Variants in RELN observed in about 807,000 individuals in gnomAD.
RELN encodes reelin.
In RELN, 108 loss-of-function variants were observed where a neutral mutation model predicts 427.6. The observed-to-expected ratio is 0.25, with a 90% confidence interval of 0.22 to 0.30. The LOEUF (loss-of-function observed/expected upper bound fraction) is 0.30. RELN is among the 10% of genes least tolerant of loss of function. The pLI, the probability that RELN is intolerant of heterozygous loss-of-function variation, is 1.00. For synonymous variants in RELN, 1,524 were observed against 1,513.4 expected, an observed-to-expected ratio of 1.01 and a Z score of -0.16; for missense variants, 3,715 against 4,302.8, an observed-to-expected ratio of 0.86 and a Z score of 3.82.
intron 3 of RELN, among the ~76,000 whole-genome samples, chr7:103,788,985 AAC>A (rs1792090682): frequency 6.6e-6 from 1 of 152,274 alleles, no homozygotes; most frequent in East Asian, 1.9e-4. Flanking sequence ...GTACCAAAAC[AAC>A]AGATACATAG....
intron 1 of RELN, among the ~76,000 whole-genome samples, chr7:103,926,892 C>CG (rs61081987): frequency 0.53 from 80,942 of 151,778 alleles, 22,291 homozygotes; most frequent in East Asian, 0.74. Flanking sequence ...GTGATCCACC[C>CG]CCTTGGCCTC....
At chr7:103,567,264 G>T (rs1016358703) in intron 31 of RELN, among the ~76,000 whole-genome samples, 3 of 152,216 alleles carry the variant, frequency 2.0e-5, no homozygotes, top group African/African-American at 7.2e-5. Flanking sequence ...GGTCAGTGAA[G>T]CCTAAGTGAA....
chr7:103,707,531 G>A (rs552251826), intron 8 of RELN, among the ~76,000 whole-genome samples: 1 of 147,892 alleles, frequency 6.8e-6, no homozygotes, highest in South Asian at 2.1e-4. Flanking sequence ...ATGGAGTCTC[G>A]CTCTGTCGCC....
chr7:103,716,660 G>A (rs1036752502), intron 8 of RELN, among the ~76,000 whole-genome samples: 2 of 152,142 alleles, frequency 1.3e-5, no homozygotes, highest in Non-Finnish European at 2.9e-5. Flanking sequence ...TAGTTACATT[G>A]TTTTTAGTTC....
At chr7:103,707,411 AC>A (rs1439594198) in intron 8 of RELN, among the ~76,000 whole-genome samples, 1 of 152,216 alleles carries the variant, frequency 6.6e-6, no homozygotes, top group Admixed American at 6.5e-5. Flanking sequence ...CTGATATAAT[AC>A]TGCAATCATA....
At chr7:103,644,017 T>C (rs1210889259) in intron 16 of RELN, among the ~76,000 whole-genome samples, 1 of 151,906 alleles carries the variant, frequency 6.6e-6, no homozygotes, top group Non-Finnish European at 1.5e-5. Flanking sequence ...CTATAACCAA[T>C]GAACTCATAG....
At chr7:103,742,043 G>A (rs890551495) in intron 6 of RELN, among the ~76,000 whole-genome samples, 3 of 152,040 alleles carry the variant, frequency 2.0e-5, no homozygotes, top group Non-Finnish European at 4.4e-5. Flanking sequence ...CACCGCACAC[G>A]GCCAGGTACT....
intron 17 of RELN, among the ~76,000 whole-genome samples, chr7:103,637,310 G>A (rs362699): frequency 0.056 from 8,457 of 152,060 alleles, 793 homozygotes; most frequent in African/African-American, 0.19. Flanking sequence ...TGCTCAATTG[G>A]TATCTTTTTG....
At chr7:103,604,261 G>C (rs1363286833) in intron 23 of RELN, 85 bp downstream of exon 23, 2 of 1,505,522 alleles carry the variant, frequency 1.3e-6, no homozygotes, top group Non-Finnish European at 1.8e-6. Flanking sequence ...GTCTATCCAT[G>C]TCACTCTGAT....
intron 3 of RELN, among the ~76,000 whole-genome samples, chr7:103,819,360 C>CA (rs1349188560): frequency 2.6e-5 from 4 of 151,664 alleles, no homozygotes; most frequent in East Asian, 1.9e-4. Context: ...AATGCTTTTA[C>CA]AAAAAAACAA....
chr7:103,778,026 C>T (rs1791789949), intron 3 of RELN, among the ~76,000 whole-genome samples: 2 of 152,198 alleles, frequency 1.3e-5, no homozygotes, highest in Non-Finnish European at 2.9e-5. Context: ...GGGGCGTCAG[C>T]CCTTGTTGTT....
intron 50 of RELN, chr7:103,514,013 T>G (rs1662709347): frequency 6.6e-6 from 1 of 152,166 alleles, no homozygotes; most frequent in Admixed American, 6.5e-5. Flanking sequence ...ACTCCTCAAG[T>G]TTCAATTTTT....
intron 2 of RELN, among the ~76,000 whole-genome samples, chr7:103,842,143 T>C (rs1793566658): frequency 1.3e-5 from 2 of 152,164 alleles, no homozygotes; most frequent in Non-Finnish European, 2.9e-5. Flanking sequence ...ACCTTATGTC[T>C]ACATAAGAAG....
At chr7:103,560,787 A>G (rs1385013284) in intron 36 of RELN, among the ~76,000 whole-genome samples, 1 of 152,216 alleles carries the variant, frequency 6.6e-6, no homozygotes, top group Admixed American at 6.5e-5. Flanking sequence ...AAGGATTTGG[A>G]TTCAAACAAG....
chr7:103,720,225 T>C (rs1790043308), intron 8 of RELN, among the ~76,000 whole-genome samples: 1 of 151,710 alleles, frequency 6.6e-6, no homozygotes, highest in Non-Finnish European at 1.5e-5. Flanking sequence ...TGAGAGAGTA[T>C]TGCTGCTAAA....
intron 21 of RELN, among the ~76,000 whole-genome samples, chr7:103,611,028 A>G (rs1311186920): frequency 6.6e-6 from 1 of 152,220 alleles, no homozygotes; most frequent in Non-Finnish European, 1.5e-5. Context: ...GAGGTGCCAT[A>G]AAGAAATTGA....
At chr7:103,760,163 C>A (rs145872266) in intron 4 of RELN, among the ~76,000 whole-genome samples, 8 of 151,514 alleles carry the variant, frequency 5.3e-5, no homozygotes, top group Admixed American at 3.3e-4. Context: ...AAACATGGAT[C>A]CTTAGATAGT....
At chr7:103,944,271 C>T (rs1019495453) in intron 1 of RELN, among the ~76,000 whole-genome samples, 3 of 151,976 alleles carry the variant, frequency 2.0e-5, no homozygotes, top group Admixed American at 1.3e-4. Flanking sequence ...AAATACTAGG[C>T]GTGTGGAGGA....
chr7:103,648,501 G>A (rs927385323), intron 16 of RELN, among the ~76,000 whole-genome samples: 1 of 151,940 alleles, frequency 6.6e-6, no homozygotes, highest in Non-Finnish European at 1.5e-5. Flanking sequence ...GAAAATCTAG[G>A]AAAAACTCCT....
Sources: gnomAD v4.1 joint callset for allele counts (sites outside exome capture counted in the v4.1 genomes callset) on GRCh38, gnomAD v4.1.1 for gene constraint, MANE v1.5 for transcripts, NCBI Gene and HGNC (gene_info 2026-07-23, HGNC 2026-07-21) for gene names.